Variants in GP6 observed in about 807,000 individuals in gnomAD.
GP6 encodes glycoprotein VI platelet.
A neutral mutation model predicts 37.3 loss-of-function variants in GP6; 45 were observed. The observed-to-expected ratio is 1.21, with a 90% CI of 0.95 to 1.55. The LOEUF (loss-of-function observed/expected upper bound fraction) is 1.55. GP6 is among the 40% of genes most tolerant of loss of function. GP6 has a pLI of 0.00. For missense variants in GP6, 813 were observed against 760.2 expected, an observed-to-expected ratio of 1.07 and a Z score of -0.82; for synonymous variants, 340 against 316.4, an observed-to-expected ratio of 1.07 and a Z score of -0.79.
Position 55,027,700 on chromosome 19 carries a change from G to C in GP6, c.488C>G (p.Ala163Gly). The change falls in exon 4 of 8, where the codon GCT (alanine) becomes GGT (glycine). Residue 163 changes from alanine to glycine, a missense_variant. Coordinates refer to ENST00000310373, the MANE Select transcript of GP6 (RefSeq NM_001083899.2). Reference sequence around the variant, plus strand: ...GGTCACCGTGATGATGGGAAAACTAGCCCTGTACCATCTCTCGGGATTCTT... The same window carrying C: ...GGTCACCGTGATGATGGGAAAACTACCCCTGTACCATCTCTCGGGATTCTT... 1 of 1,613,364 alleles carries C rather than the reference G, an allele frequency of 6.2e-7. No individual in the cohort carries two copies. The highest frequency in any genetic ancestry group is 1.1e-5 in the South Asian group (1 of 91,064).
intron 1 of GP6, among the ~76,000 whole-genome samples, chr19:55,034,122 ATATG>A (rs55868101): frequency 0.47 from 69,700 of 149,310 alleles, 16,283 homozygotes; most frequent in East Asian, 0.57. Context: ...ACACACGTGT[ATATG>A]TATGTATATG....
chr19:55,020,760 G>A (rs563509741), intron 5 of GP6, among the ~76,000 whole-genome samples: 2 of 152,072 alleles, frequency 1.3e-5, no homozygotes, highest in South Asian at 4.2e-4. Flanking sequence ...TGGGTCAAAT[G>A]GTATTTCTGG....
At chr19:55,018,768 T>C in intron 5 of GP6, 57 bp from the exon 6 acceptor site, 1 of 1,120,270 alleles carries the variant, frequency 8.9e-7, no homozygotes, top group South Asian at 1.2e-5. Flanking sequence ...CCTCTAGATA[T>C]CTCCATTCCC....
At chr19:55,024,296 GCATGCACACACATATGCACGCA>G (rs2074199420) in intron 5 of GP6, among the ~76,000 whole-genome samples, 1 of 56,296 alleles carries the variant, frequency 1.8e-5, no homozygotes. Context: ...ACATATGCAC[GCATGCACACACATATGCACGCA>G]CACACACATA....
intron 5 of GP6, among the ~76,000 whole-genome samples, chr19:55,024,363 T>TATGCACGCACACACGCAC (rs1568613765): frequency 2.8e-5 from 4 of 143,584 alleles, no homozygotes; most frequent in African/African-American, 8.1e-5. Context: ...CACACACACA[T>TATGCACGCACACACGCAC]ATGCACGCAC....
At chr19:55,023,391 TGGG>T (rs1396367032) in intron 5 of GP6, among the ~76,000 whole-genome samples, 1 of 152,174 alleles carries the variant, frequency 6.6e-6, no homozygotes, top group Non-Finnish European at 1.5e-5. Context: ...ATGTTGGAGG[TGGG>T]GGCCTGGTGG....
intron 4 of GP6, among the ~76,000 whole-genome samples, chr19:55,025,831 G>A (rs918388761): frequency 6.6e-6 from 1 of 151,922 alleles, no homozygotes; most frequent in South Asian, 2.1e-4. Flanking sequence ...GTGAAACCCT[G>A]TCTCTACGAA....
intron 1 of GP6, among the ~76,000 whole-genome samples, chr19:55,034,799 C>T (rs1222222658): frequency 6.6e-6 from 1 of 151,852 alleles, no homozygotes. Context: ...GGGCAGAGGC[C>T]AAGCAACCTT....
chr19:55,029,346 ATATATATATATATATATATATATATAT>A (rs2074450670), intron 3 of GP6, among the ~76,000 whole-genome samples: 1 of 2,678 alleles, frequency 3.7e-4, no homozygotes, highest in Non-Finnish European at 7.1e-4. Flanking sequence ...ATATATATAT[ATATATATATATATATATATATATATAT>A]ATTTTTTTTT....
At chr19:55,032,929 G>T (rs2074633715) in intron 1 of GP6, 1 of 289,080 alleles carries the variant, frequency 3.5e-6, no homozygotes, top group Non-Finnish European at 6.5e-6. Flanking sequence ...GTTCGTGTTA[G>T]ACACGGTGGG....
intron 7 of GP6, 66 bp from the exon 8 acceptor site, chr19:55,015,231 A>C: frequency 1.3e-6 from 2 of 1,549,420 alleles, no homozygotes; most frequent in Non-Finnish European, 1.7e-6. Flanking sequence ...TCCAAGCCAC[A>C]TCTGGGCTTC....
chr19:55,032,886 G>A lies in GP6; in HGVS notation c.35-348C>T, dbSNP rs868342566. 1.2e-4 allele frequency: 41 copies of A among 356,432 alleles called. 1 individual carries two copies. The highest frequency in any genetic ancestry group is 1.6e-4 in the Non-Finnish European group (32 of 195,978). The allele number at this position is 356,432 out of a possible 1,614,324, so 22.1% of individuals were successfully genotyped here. A position where few individuals can be genotyped will look rare whatever the true frequency, so the allele number is the denominator to read the frequency against. ...CGGTGGGCTCGTTCGTGTTAGACAC[G>A]GTGGACTCGTTCGTGTTAGACACGG... is the stretch of plus-strand genomic sequence containing the variant. On this transcript the variant is annotated intron_variant, in intron 1 of 7. Coordinates refer to ENST00000310373, the MANE Select transcript of GP6 (RefSeq NM_001083899.2).
At chr19:55,015,409 T>A (rs2073835918) in intron 7 of GP6, among the ~76,000 whole-genome samples, 1 of 152,200 alleles carries the variant, frequency 6.6e-6, no homozygotes, top group East Asian at 1.9e-4. Context: ...CAGACACAGA[T>A]GCTGCCTCGT....
In GP6 at chr19:55,034,535, A is replaced by G. The variant is rs563997556; in HGVS notation, c.35-1997T>C. Among the ~76,000 whole-genome samples the G allele has an allele frequency of 3.0e-4, 46 of 151,906 alleles. 1 individual carries two copies. The South Asian group carries it at 8.1e-3, about 27-fold the overall frequency. Reference sequence around the variant, plus strand: ...CACGCCACTACACTCCAGCCTGGGCAACAGAGCAAGACTCCATCTCGAGGA... The same window carrying G: ...CACGCCACTACACTCCAGCCTGGGCGACAGAGCAAGACTCCATCTCGAGGA... On this transcript the variant is annotated intron_variant, in intron 1 of 7. Coordinates refer to ENST00000310373, the MANE Select transcript of GP6 (RefSeq NM_001083899.2).
chr19:55,018,960 T>A (rs947620497), intron 5 of GP6: 1 of 588,756 alleles, frequency 1.7e-6, no homozygotes, highest in African/African-American at 1.9e-5. Context: ...TGAATATTGC[T>A]GCTGTGAACA....
Position 55,024,323 on chromosome 19 carries a change from CACAT to C in GP6, c.664+891_664+894del, listed in dbSNP as rs376221620. On this transcript the variant is annotated intron_variant, in intron 5 of 7. Coordinates refer to ENST00000310373, the MANE Select transcript of GP6 (RefSeq NM_001083899.2). The stretch of plus-strand genomic sequence containing the variant: ...ATGCACACACATATGCACGCACACA[CACAT>C]ATGCACGCACACACGCACATGCACG... Among the ~76,000 whole-genome samples the C allele has an allele frequency of 7.7e-4, 100 of 129,308 alleles. 1 individual carries two copies. The highest frequency in any genetic ancestry group is 2.3e-3 in the African/African-American group (79 of 33,922). 84.8% of individuals were successfully genotyped at this position (129,308 alleles called of 152,430 possible). A position where few individuals can be genotyped will look rare whatever the true frequency, so the allele number is the denominator to read the frequency against.
intron 1 of GP6, 59 bp from the exon 2 acceptor site, chr19:55,032,597 G>C: frequency 1.3e-6 from 2 of 1,568,440 alleles, no homozygotes; most frequent in South Asian, 2.2e-5. Flanking sequence ...ATTCCTGCCT[G>C]CTGGGCGCGG....
At chr19:55,024,991 A>G (rs2074250129) in intron 5 of GP6, among the ~76,000 whole-genome samples, 1 of 152,188 alleles carries the variant, frequency 6.6e-6, no homozygotes, top group South Asian at 2.1e-4. Context: ...TCTGCATGTT[A>G]TATGTGATAA....
rs2073801466 is a variant in GP6, at chr19:55,014,905, G to A, written c.1040C>T (p.Ala347Val). Residue 347 changes from alanine to valine, a missense_variant, in exon 8 of 8, where the codon GCA (alanine) becomes GTA (valine). Ala to Val is a moderately conservative substitution (Grantham distance 64). Transcript: ENST00000310373. Reference sequence around the variant, plus strand: ...TGATCCCTCCCTTGGATACGACCGTGCCTGGGGTTCAGCGGTCATGAACAT... The same window carrying A: ...TGATCCCTCCCTTGGATACGACCGTACCTGGGGTTCAGCGGTCATGAACAT... The A allele has an allele frequency of 1.2e-6, 2 of 1,613,608 alleles. No homozygotes were observed. Among genetic ancestry groups the A allele is most frequent in the South Asian group, 2.2e-5 (2 of 91,078 alleles).
Sources: allele counts gnomAD v4.1 joint callset (sites outside exome capture counted in the v4.1 genomes callset), GRCh38; gene constraint gnomAD v4.1.1; transcripts MANE v1.5; gene names NCBI Gene and HGNC (gene_info 2026-07-23, HGNC 2026-07-21).